The following LAMA2 variants were observed in gnomAD, a reference collection of about 807,000 sequenced individuals.
LAMA2 encodes the protein laminin subunit alpha-2.
Under a neutral mutation model 364.8 loss-of-function variants are expected in LAMA2, and 269 were observed. That is an observed-to-expected ratio of 0.74 (90% CI 0.67 to 0.82). LAMA2 has a LOEUF of 0.82. Among genes scored for constraint, LAMA2 ranks in the 40% least tolerant of loss-of-function variants. The probability of loss-of-function intolerance (pLI) is 0.00; values close to 1 mark genes in which losing one functional copy is unlikely to be tolerated. For synonymous variants in LAMA2, 1,379 were observed against 1,370.6 expected (o/e 1.01, Z -0.14); for missense variants, 3,807 against 3,873.2 (o/e 0.98, Z 0.45).
chr6:129,035,174 A>T (rs79087886), intron 1 of LAMA2, among the ~76,000 whole-genome samples: 5,161 of 151,968 alleles, frequency 0.034, 263 homozygotes, highest in African/African-American at 0.11. Context: ...AATACTAGCT[A>T]TTCTAATTTG....
At chr6:128,945,067 A>G (rs116982715) in intron 1 of LAMA2, among the ~76,000 whole-genome samples, 1 of 152,276 alleles carries the variant, frequency 6.6e-6, no homozygotes, top group East Asian at 1.9e-4. Context: ...CATTTGAGGA[A>G]TGGCTGGGGT....
At chr6:129,389,946 C>G (rs370262586) in intron 35 of LAMA2, among the ~76,000 whole-genome samples, 1 of 152,192 alleles carries the variant, frequency 6.6e-6, no homozygotes, top group African/African-American at 2.4e-5. Context: ...ATATCAGGCT[C>G]TGCCTCCAAA....
rs189014225 is a variant in LAMA2, at chr6:128,975,008, T to A, written c.113-74910T>A. ...CTGGGACTACAGGCGCCCACCACCA[T>A]GCCCAGCTAATTTTTTTGTATTTTT... On this transcript the variant is annotated intron_variant, in intron 1 of 64. Coordinates refer to ENST00000421865, the MANE Select transcript of LAMA2 (RefSeq NM_000426.4). 5.3e-3 allele frequency among the ~76,000 whole-genome samples: 807 copies of A among 152,072 alleles called. 7 individuals are homozygous for A. Among genetic ancestry groups the A allele is most frequent in the Non-Finnish European group, 8.0e-3 (546 of 67,958 alleles).
At chr6:128,997,664 A>G (rs528132422) in intron 1 of LAMA2, among the ~76,000 whole-genome samples, 307 of 152,192 alleles carry the variant, frequency 2.0e-3, no homozygotes, top group African/African-American at 7.1e-3. Flanking sequence ...GCATGGTGGC[A>G]CATGCCTATA....
At chr6:129,099,133 T>TG (rs989258275) in intron 4 of LAMA2, among the ~76,000 whole-genome samples, 9 of 149,750 alleles carry the variant, frequency 6.0e-5, no homozygotes, top group Non-Finnish European at 1.2e-4. Flanking sequence ...TTGTTTTTTT[T>TG]TTTTTTGTTT....
At chr6:129,234,558 AT>A (rs1336836480) in intron 12 of LAMA2, among the ~76,000 whole-genome samples, 2 of 152,218 alleles carry the variant, frequency 1.3e-5, no homozygotes, top group Non-Finnish European at 2.9e-5. Context: ...ATAATAAGAA[AT>A]CCATTAGCAT....
At chr6:129,424,614 A>G (rs933823315) in intron 40 of LAMA2, among the ~76,000 whole-genome samples, 9 of 152,078 alleles carry the variant, frequency 5.9e-5, no homozygotes, top group African/African-American at 1.9e-4. Context: ...GCATGTGAAA[A>G]GATGCTCAAT....
intron 1 of LAMA2, among the ~76,000 whole-genome samples, chr6:128,912,693 G>A (rs1778052603): frequency 6.6e-6 from 1 of 152,144 alleles, no homozygotes; most frequent in African/African-American, 2.4e-5. Flanking sequence ...CTCAGGAATG[G>A]CATAGTAGGG....
In LAMA2 at chr6:129,375,314, T is replaced by C. The variant is rs188432402; in HGVS notation, c.4959+5324T>C. 2.6e-5 allele frequency among the ~76,000 whole-genome samples: 4 copies of C among 152,300 alleles called. No individual in the cohort carries two copies. The East Asian group carries it at 7.7e-4, about 29-fold the overall frequency. On this transcript the variant is annotated intron_variant, in intron 34 of 64. Coordinates refer to ENST00000421865, the MANE Select transcript of LAMA2 (RefSeq NM_000426.4). ...CTACAGTATGTGTGAAATATTAAGA[T>C]GCTTTTTGATGATGACTCTACTTAC...
intron 7 of LAMA2, among the ~76,000 whole-genome samples, chr6:129,150,172 C>CATTG (rs1464200448): frequency 1.3e-5 from 2 of 152,114 alleles, no homozygotes; most frequent in African/African-American, 4.8e-5. Context: ...CATGAGCCAC[C>CATTG]ATTGGATCAT....
In LAMA2 at chr6:129,492,032, T is replaced by A. The variant is rs1784890113; in HGVS notation, c.8030T>A (p.Ile2677Asn). Residue 2677 changes from isoleucine (I) to asparagine (N), a missense_variant, in exon 57 of 65, where the codon ATT becomes AAT. Physicochemically the swap from Ile to Asn is moderately radical, Grantham distance 149. Around this residue, in one of 3 missense-constraint regions of LAMA2, gnomAD observed 3,333 missense variants for 3,345.7 expected, o/e 1.00. Coordinates refer to ENST00000421865, the MANE Select transcript of LAMA2 (RefSeq NM_000426.4). ...TTTCAACCTTCCCCACTCAGAAATA[T>A]TCCTCCTTTTGAAGGCTGCATATGG... ...PEFQPSPLRN[I>N]PPFEGCIWNL... is the part of the protein sequence containing the mutation. 3 of 1,614,028 alleles carry A rather than the reference T, an allele frequency of 1.9e-6. No homozygotes were observed. The highest frequency in any genetic ancestry group is 1.3e-5 in the African/African-American group (1 of 74,940).
chr6:129,274,775 G>T (rs1233246046), intron 17 of LAMA2, among the ~76,000 whole-genome samples: 1 of 151,928 alleles, frequency 6.6e-6, no homozygotes, highest in African/African-American at 2.4e-5. Flanking sequence ...AAGTTATCTG[G>T]AGAGAAGCAA....
At chr6:129,024,264 TAAAAA>T (rs889262084) in intron 1 of LAMA2, among the ~76,000 whole-genome samples, 2 of 147,188 alleles carry the variant, frequency 1.4e-5, no homozygotes, top group African/African-American at 5.0e-5. Flanking sequence ...AATGGTATGT[TAAAAA>T]AAAAAGTAGG....
Position 129,121,447 on chromosome 6 carries a change from G to T in LAMA2, c.640-22454G>T, listed in dbSNP as rs73599003. ...TAATTTAGCATGAGTCATTCCCATG[G>T]ATTAGCAACTTTGTATGCTAGCATA... is the stretch of plus-strand genomic sequence containing the variant. On this transcript the variant is annotated intron_variant, in intron 4 of 64. Coordinates refer to ENST00000421865, the MANE Select transcript of LAMA2 (RefSeq NM_000426.4). 7.4e-3 allele frequency among the ~76,000 whole-genome samples: 1,118 copies of T among 152,098 alleles called. 15 individuals carry two copies. Among genetic ancestry groups the T allele is most frequent in the African/African-American group, 0.026 (1,082 of 41,490 alleles).
chr6:129,271,965 G>A (rs912761379), intron 17 of LAMA2, among the ~76,000 whole-genome samples: 2 of 152,106 alleles, frequency 1.3e-5, no homozygotes, highest in Non-Finnish European at 2.9e-5. Context: ...AAGTTTAAAT[G>A]TTCTCCTTGA....
intron 1 of LAMA2, among the ~76,000 whole-genome samples, chr6:129,045,615 A>G (rs555245017): frequency 6.6e-6 from 1 of 152,374 alleles, no homozygotes; most frequent in African/African-American, 2.4e-5. Context: ...TAGCTTCAGA[A>G]TCAATGTTTC....
intron 20 of LAMA2, chr6:129,293,041 G>A (rs977672551): frequency 4.1e-5 from 40 of 985,874 alleles, no homozygotes; most frequent in East Asian, 1.1e-4. Flanking sequence ...GGGTGCCCTC[G>A]GGGAGCCTAT....
intron 12 of LAMA2, among the ~76,000 whole-genome samples, chr6:129,197,432 C>T (rs566120503): frequency 2.6e-5 from 4 of 152,208 alleles, no homozygotes; most frequent in Non-Finnish European, 5.9e-5. Context: ...ACTCTTTCGA[C>T]CAATTGCCAG....
At chr6:129,482,857 G>A (rs531217683) in intron 55 of LAMA2, among the ~76,000 whole-genome samples, 6 of 152,024 alleles carry the variant, frequency 3.9e-5, no homozygotes, top group African/African-American at 7.2e-5. Flanking sequence ...TCAGGATTTC[G>A]AGACCAGCCT....
Sources: allele counts gnomAD v4.1 joint callset (sites outside exome capture counted in the v4.1 genomes callset), GRCh38; gene constraint gnomAD v4.1.1; regional missense constraint gnomAD v4.1.1; transcripts MANE v1.5; gene names NCBI Gene and HGNC (gene_info 2026-07-23, HGNC 2026-07-21).